The following LGMN variants were observed in gnomAD, a reference collection of about 807,000 sequenced individuals.
LGMN encodes the protein asparaginyl endopeptidase.
LGMN carries 36 observed loss-of-function variants against 56.8 expected under a neutral mutation model. That is an observed-to-expected ratio of 0.63 (90% CI 0.49 to 0.84). The LOEUF (loss-of-function observed/expected upper bound fraction) is 0.84. Ranked by LOEUF, LGMN falls within the 40% of genes least tolerant of loss-of-function variation. The probability of loss-of-function intolerance (pLI) is 0.00; values close to 1 mark genes in which losing one functional copy is unlikely to be tolerated. For missense variants in LGMN, 446 were observed against 556.1 expected, an observed-to-expected ratio of 0.80 and a Z score of 1.99; for synonymous variants, 199 against 210.1, an observed-to-expected ratio of 0.95 and a Z score of 0.46.
intron 2 of LGMN, among the ~76,000 whole-genome samples, chr14:92,719,961 C>T (rs1482900694): frequency 1.3e-5 from 2 of 152,210 alleles, no homozygotes; most frequent in Non-Finnish European, 2.9e-5. Flanking sequence ...GCCTGAGCAA[C>T]TGGGTGTACA....
intron 1 of LGMN, chr14:92,742,862 T>C (rs927201259): frequency 2.0e-5 from 3 of 151,306 alleles, no homozygotes; most frequent in Non-Finnish European, 4.4e-5. Flanking sequence ...CTGGGCAACA[T>C]AGGGAGACTC....
rs1889297411 is a variant in LGMN, at chr14:92,704,183, C to T, written c.*136G>A. 6 of 1,072,154 alleles carry T rather than the reference C, an allele frequency of 5.6e-6. No individual in the cohort carries two copies. Among genetic ancestry groups the T allele is most frequent in the Non-Finnish European group, 8.5e-6 (6 of 702,344 alleles). The allele number at this position is 1,072,154 out of a possible 1,614,324, so 66.4% of individuals were successfully genotyped here. The stretch of plus-strand genomic sequence containing the variant: ...AGCAAGTCATCTTGTGAAGAAGGTC[C>T]TGGAGCGAGCCCTGGAGCGGGGGCT... On this transcript the variant is annotated 3_prime_UTR_variant, in exon 14 of 14. Coordinates refer to ENST00000334869, the MANE Select transcript of LGMN (RefSeq NM_005606.7).
chr14:92,740,662 C>T (rs1181999260), intron 1 of LGMN, among the ~76,000 whole-genome samples: 1 of 152,222 alleles, frequency 6.6e-6, no homozygotes, highest in Non-Finnish European at 1.5e-5. Context: ...AGGACACCCA[C>T]GGTGCTCTTT....
At chr14:92,720,153 G>A (rs1378484281) in intron 2 of LGMN, among the ~76,000 whole-genome samples, 4 of 152,204 alleles carry the variant, frequency 2.6e-5, no homozygotes, top group African/African-American at 7.2e-5. Flanking sequence ...ACTCAAGAGC[G>A]ATTAGATGAA....
intron 12 of LGMN, among the ~76,000 whole-genome samples, chr14:92,705,782 C>T (rs1435695801): frequency 2.0e-5 from 3 of 152,006 alleles, no homozygotes; most frequent in Non-Finnish European, 2.9e-5. Flanking sequence ...CGTGCACCAC[C>T]AAGTCTGGCT....
rs763537753 is a variant in LGMN, at chr14:92,704,625, C to T, written c.1259+15G>A. 1.7e-5 allele frequency: 27 copies of T among 1,603,324 alleles called. No individual in the cohort carries two copies. Among genetic ancestry groups the T allele is most frequent in the Middle Eastern group, 1.6e-4 (1 of 6,066 alleles). ...ATGACATCGACCTTTCAAGCGTCAC[C>T]GCTGCATTAGTTACCTGTGAAGCGG... On this transcript the variant is annotated intron_variant, in intron 13 of 13. Transcript: ENST00000334869.
chr14:92,732,878 C>A lies in LGMN; in HGVS notation c.-29-63G>T, dbSNP rs866484891. 4.5e-5 allele frequency: 60 copies of A among 1,334,438 alleles called. 2 individuals are homozygous for A. The Middle Eastern group carries it at 9.9e-3, about 221-fold the overall frequency. 82.7% of individuals were successfully genotyped at this position (1,334,438 alleles called of 1,614,324 possible). On this transcript the variant is annotated intron_variant, in intron 1 of 13. Transcript: ENST00000334869. ...AGAACTGATAAACATTGGCTGGGCGCGGTGGCTCACACCTGTAATTCCAGC... is the reference window on the plus strand; with the variant it reads ...AGAACTGATAAACATTGGCTGGGCGAGGTGGCTCACACCTGTAATTCCAGC...
intron 1 of LGMN, among the ~76,000 whole-genome samples, chr14:92,747,014 C>T (rs1459581452): frequency 7.4e-6 from 1 of 135,376 alleles, no homozygotes; most frequent in Non-Finnish European, 1.5e-5. Context: ...CCAGCCTGGG[C>T]GACAGAGCGA....
intron 2 of LGMN, among the ~76,000 whole-genome samples, chr14:92,719,293 G>GCCA (rs1566924506): frequency 7.5e-5 from 3 of 40,092 alleles, no homozygotes; most frequent in African/African-American, 2.3e-4. Flanking sequence ...CGCCGCCGCC[G>GCCA]CCGCCGCCAC....
chr14:92,707,528 A>G (rs890900937), intron 11 of LGMN, among the ~76,000 whole-genome samples: 5 of 152,242 alleles, frequency 3.3e-5, no homozygotes, highest in Non-Finnish European at 5.9e-5. Context: ...AAGCCAGTTC[A>G]AGGATCCAGC....
intron 2 of LGMN, among the ~76,000 whole-genome samples, chr14:92,719,206 A>G (rs866337218): frequency 0.041 from 4,828 of 117,012 alleles, 171 homozygotes; most frequent in East Asian, 0.15. Context: ...CACCAACACC[A>G]CCACCGCCAC....
At chr14:92,719,263 A>ACCGCCACCACCGCCACCGCCG (rs1890286645) in intron 2 of LGMN, among the ~76,000 whole-genome samples, 2 of 65,118 alleles carry the variant, frequency 3.1e-5, no homozygotes, top group African/African-American at 1.4e-4. Flanking sequence ...CACCACCGCC[A>ACCGCCACCACCGCCACCGCCG]CCGCCGCCGC....
chr14:92,704,918 G>A (rs769339996), intron 12 of LGMN: 235 of 515,384 alleles, frequency 4.6e-4, no homozygotes, highest in Non-Finnish European at 8.0e-5. Flanking sequence ...ATGCAAGTTG[G>A]GGGGCTGGCG....
At chr14:92,734,550 G>C (rs147159481) in intron 1 of LGMN, among the ~76,000 whole-genome samples, 2 of 151,790 alleles carry the variant, frequency 1.3e-5, no homozygotes, top group African/African-American at 4.8e-5. Flanking sequence ...TGAAGCAGGA[G>C]AATCACTTGA....
At position 92,717,478 on chromosome 14, in the gene LGMN, A is replaced by T; in HGVS notation, c.237-17T>A. ...GTGGGATTGCTGAAAATTAAAGGAC[A>T]CAATTTAAACGAGATGTGGCATGCC... On this transcript the variant is annotated splice_polypyrimidine_tract_variant and intron_variant, in intron 3 of 13. Transcript: ENST00000334869. The T allele has an allele frequency of 6.3e-7, 1 of 1,584,306 alleles. No homozygotes were observed. The highest frequency in any genetic ancestry group is 8.7e-7 in the Non-Finnish European group (1 of 1,153,092).
intron 11 of LGMN, among the ~76,000 whole-genome samples, chr14:92,708,855 T>TCAAAAAAA (rs1889580081): frequency 3.9e-5 from 1 of 25,926 alleles, no homozygotes; most frequent in Non-Finnish European, 7.3e-5. Flanking sequence ...GACTCTTGTC[T>TCAAAAAAA]CAAAAAAAAA....
chr14:92,726,355 C>G (rs1242109), intron 2 of LGMN, among the ~76,000 whole-genome samples: 1,753 of 152,300 alleles, frequency 0.012, 34 homozygotes, highest in African/African-American at 0.04. Flanking sequence ...TCACTGCAGT[C>G]TGCCCAGCCT....
chr14:92,727,056 C>G (rs1239918662), intron 2 of LGMN, among the ~76,000 whole-genome samples: 2 of 152,160 alleles, frequency 1.3e-5, no homozygotes. Context: ...GATGTGACAC[C>G]TGGAGCTGCT....
chr14:92,719,304 C>CGCCACCACT (rs1890311402), intron 2 of LGMN, among the ~76,000 whole-genome samples: 1 of 90,950 alleles, frequency 1.1e-5, no homozygotes. Flanking sequence ...CCGCCGCCAC[C>CGCCACCACT]GCCGCCACCG....
Sources: allele counts gnomAD v4.1 joint callset (sites outside exome capture counted in the v4.1 genomes callset), GRCh38; gene constraint gnomAD v4.1.1; transcripts MANE v1.5; gene names NCBI Gene and HGNC (gene_info 2026-07-23, HGNC 2026-07-21).